SRGAP2C: variants seen among roughly 807,000 people sequenced by gnomAD.
SRGAP2C encodes SLIT-ROBO Rho GTPase activating protein 2C, also known as SLIT-ROBO Rho GTPase-activating protein 2C.
A neutral mutation model predicts 25.1 loss-of-function variants in SRGAP2C; 15 were observed. That is an observed-to-expected ratio of 0.60 (90% CI 0.40 to 0.92). The LOEUF (loss-of-function observed/expected upper bound fraction) is 0.92, where lower values mean the gene tolerates loss of function less well. SRGAP2C is among the 40% of genes least tolerant of loss of function. The probability of loss-of-function intolerance (pLI) is 0.00; values close to 1 mark genes in which losing one functional copy is unlikely to be tolerated. For missense variants in SRGAP2C, 144 were observed against 264.4 expected (o/e 0.54, Z 3.16); for synonymous variants, 44 against 96.6 (o/e 0.46, Z 3.19).
intron 2 of SRGAP2C, among the ~76,000 whole-genome samples, chr1:121,217,805 G>T (rs1256345819): frequency 6.6e-6 from 1 of 152,182 alleles, no homozygotes; most frequent in African/African-American, 2.4e-5. Context: ...CAAATAAACC[G>T]AAAGGTATTA....
At chr1:121,204,220 T>C (rs1225098420) in intron 2 of SRGAP2C, among the ~76,000 whole-genome samples, 1 of 151,262 alleles carries the variant, frequency 6.6e-6, no homozygotes, top group Non-Finnish European at 1.5e-5. Flanking sequence ...GATAGAAAAG[T>C]AGGTTTTGCA....
At chr1:121,206,266 G>A (rs587645823) in intron 2 of SRGAP2C, among the ~76,000 whole-genome samples, 1 of 152,228 alleles carries the variant, frequency 6.6e-6, no homozygotes, top group South Asian at 2.1e-4. Context: ...GGTGGACAGT[G>A]GGCAGCCTGT....
At chr1:121,314,359 C>G (rs1158051425) in intron 3 of SRGAP2C, among the ~76,000 whole-genome samples, 4 of 151,656 alleles carry the variant, frequency 2.6e-5, no homozygotes, top group African/African-American at 4.9e-5. Flanking sequence ...AACTTCTTTG[C>G]CTTTGGTTTG....
chr1:121,238,306 T>A (rs1166144139), intron 2 of SRGAP2C, among the ~76,000 whole-genome samples: 7 of 151,612 alleles, frequency 4.6e-5, no homozygotes, highest in African/African-American at 1.7e-4. Flanking sequence ...ATTGGGTACT[T>A]ATTGAGTTAC....
chr1:121,212,194 G>A (rs1367278411), intron 2 of SRGAP2C, among the ~76,000 whole-genome samples: 9 of 108,186 alleles, frequency 8.3e-5, no homozygotes, highest in Middle Eastern at 5.1e-3. Context: ...GCAGTGGTGC[G>A]ATCTCGGCTC....
At chr1:121,272,848 C>T (rs202181815) in intron 2 of SRGAP2C, among the ~76,000 whole-genome samples, 1 of 151,776 alleles carries the variant, frequency 6.6e-6, no homozygotes, top group Non-Finnish European at 1.5e-5. Flanking sequence ...TGGGAGGAAT[C>T]GTGGTTGCCT....
At chr1:121,263,984 G>T (rs1553333900) in intron 2 of SRGAP2C, among the ~76,000 whole-genome samples, 2 of 151,958 alleles carry the variant, frequency 1.3e-5, no homozygotes, top group Admixed American at 6.6e-5. Context: ...GTTGAAAAGT[G>T]ACCTTTAAAT....
At chr1:121,327,872 CTTGGACAATGACTTCT>C (rs1353372465) in intron 4 of SRGAP2C, among the ~76,000 whole-genome samples, 1 of 152,112 alleles carries the variant, frequency 6.6e-6, no homozygotes, top group Non-Finnish European at 1.5e-5. Context: ...ACTCTGAGAC[CTTGGACAATGACTTCT>C]TTCTGTGCCT....
intron 2 of SRGAP2C, among the ~76,000 whole-genome samples, chr1:121,212,521 T>C (rs1239921882): frequency 1.3e-5 from 2 of 151,152 alleles, no homozygotes; most frequent in African/African-American, 2.4e-5. Flanking sequence ...TGATTCTCAT[T>C]TATGCAAGAT....
chr1:121,222,255 A>G (rs1281646395), intron 2 of SRGAP2C, among the ~76,000 whole-genome samples: 3 of 152,146 alleles, frequency 2.0e-5, no homozygotes, highest in Non-Finnish European at 2.9e-5. Context: ...TCTAAAGCCT[A>G]TGCTTTTCCC....
intron 2 of SRGAP2C, among the ~76,000 whole-genome samples, chr1:121,200,415 TG>T (rs1358409700): frequency 9.8e-6 from 1 of 101,640 alleles, no homozygotes; most frequent in African/African-American, 3.9e-5. Context: ...GGGACAAACC[TG>T]GGGGAGGCAG....
chr1:121,268,516 C>A (rs1245444623), intron 2 of SRGAP2C, among the ~76,000 whole-genome samples: 3 of 149,084 alleles, frequency 2.0e-5, no homozygotes, highest in East Asian at 4.0e-4. Context: ...GCAGCAAGAC[C>A]AGTTAGGAGC....
chr1:121,225,956 C>T (rs1416933706), intron 2 of SRGAP2C, among the ~76,000 whole-genome samples: 8 of 149,270 alleles, frequency 5.4e-5, no homozygotes, highest in East Asian at 2.0e-4. Context: ...CCAACTGCCT[C>T]GGCCTCCCAA....
At chr1:121,314,716 G>T (rs1354874186) in intron 3 of SRGAP2C, among the ~76,000 whole-genome samples, 7 of 151,194 alleles carry the variant, frequency 4.6e-5, no homozygotes, top group African/African-American at 9.8e-5. Context: ...CTGCTGGGGG[G>T]TGCCTCCCAG....
At chr1:121,309,469 T>A (rs1265099242) in intron 3 of SRGAP2C, among the ~76,000 whole-genome samples, 2 of 141,226 alleles carry the variant, frequency 1.4e-5, no homozygotes, top group Non-Finnish European at 1.5e-5. Context: ...CATGTGCACA[T>A]TGTGCAGGTT....
intron 2 of SRGAP2C, among the ~76,000 whole-genome samples, chr1:121,190,106 A>G (rs1654630664): frequency 6.6e-6 from 1 of 152,092 alleles, no homozygotes; most frequent in African/African-American, 2.4e-5. Flanking sequence ...TCTCTATGGA[A>G]CAGCACAGAA....
intron 2 of SRGAP2C, among the ~76,000 whole-genome samples, chr1:121,283,787 G>C (rs1657302660): frequency 6.6e-6 from 1 of 151,786 alleles, no homozygotes; most frequent in Non-Finnish European, 1.5e-5. Flanking sequence ...AGCCTTCTCT[G>C]AGCTGAAAAT....
Position 121,249,580 on chromosome 1 carries a change from ATTTTTT to A in SRGAP2C, c.68-35210_68-35205del, listed in dbSNP as rs1159053572. Reference sequence around the variant, plus strand: ...TATATATATATATATATATATATATATTTTTTTTTTTTTTTTTTAAATTATACTTTA... The same window carrying A: ...TATATATATATATATATATATATATATTTTTTTTTTTTAAATTATACTTTA... On this transcript the variant is annotated intron_variant, in intron 2 of 9. Transcript: ENST00000367123. Among the ~76,000 whole-genome samples, 21 of 22,358 alleles carry A rather than the reference ATTTTTT, an allele frequency of 9.4e-4. 1 individual carries two copies. The highest frequency in any genetic ancestry group is 1.1e-3 in the Non-Finnish European group (15 of 13,862). 14.7% of individuals were successfully genotyped at this position (22,358 alleles called of 152,430 possible). A position where few individuals can be genotyped will look rare whatever the true frequency, so the allele number is the denominator to read the frequency against.
chr1:121,364,815 G>T lies in SRGAP2C; in HGVS notation c.424-478G>T, dbSNP rs202028916. On this transcript the variant is annotated intron_variant, in intron 4 of 9. Transcript: ENST00000367123. ...CTTGTGAGTTTTGGGTAGAAATAAA[G>T]CAAGTAAGAAATATAGTTCCATCCT... is the stretch of plus-strand genomic sequence containing the variant. Among the ~76,000 whole-genome samples the T allele has an allele frequency of 0.011, 220 of 20,440 alleles. 29 individuals are homozygous for T. In the East Asian group the frequency reaches 0.3, roughly 28 times the overall value. 13.4% of individuals were successfully genotyped at this position (20,440 alleles called of 152,430 possible). A position where few individuals can be genotyped will look rare whatever the true frequency, so the allele number is the denominator to read the frequency against.
Sources: gnomAD v4.1 joint callset for allele counts (sites outside exome capture counted in the v4.1 genomes callset) on GRCh38, gnomAD v4.1.1 for gene constraint, MANE v1.5 for transcripts, NCBI Gene and HGNC (gene_info 2026-07-23, HGNC 2026-07-21) for gene names.